MICU1: variants seen among roughly 807,000 people sequenced by gnomAD.
MICU1 encodes the protein mitochondrial calcium uptake 1.
In MICU1, 45 loss-of-function variants were observed where a neutral mutation model predicts 56.8. The ratio of observed to expected loss-of-function variants is 0.79; its 90% CI spans 0.62 to 1.02. The LOEUF is 1.02. Among genes scored for constraint, MICU1 ranks in the 50% least tolerant of loss-of-function variants. MICU1 has a pLI of 0.00. For missense variants in MICU1, 504 were observed against 587.1 expected, an observed-to-expected ratio of 0.86 and a Z score of 1.46; for synonymous variants, 186 against 195.1, an observed-to-expected ratio of 0.95 and a Z score of 0.39.
chr10:72,567,507 G>A (rs1840470573), intron 1 of MICU1, among the ~76,000 whole-genome samples: 1 of 152,084 alleles, frequency 6.6e-6, no homozygotes, highest in African/African-American at 2.4e-5. Context: ...AGACTGTGTG[G>A]AGAGGGCACA....
At chr10:72,417,578 C>T (rs2132124662) in intron 9 of MICU1, among the ~76,000 whole-genome samples, 1 of 152,162 alleles carries the variant, frequency 6.6e-6, no homozygotes, top group South Asian at 2.1e-4. Context: ...TTTTCAATTT[C>T]ATCCTTAAGA....
At chr10:72,519,363 T>G (rs528122544) in intron 5 of MICU1, among the ~76,000 whole-genome samples, 2 of 152,318 alleles carry the variant, frequency 1.3e-5, no homozygotes, top group East Asian at 3.9e-4. Flanking sequence ...TAAAGGCAAA[T>G]GGACATTATT....
intron 1 of MICU1, among the ~76,000 whole-genome samples, chr10:72,593,025 A>T (rs1245309688): frequency 6.6e-6 from 1 of 151,682 alleles, no homozygotes; most frequent in African/African-American, 2.4e-5. Flanking sequence ...ACCTCAGGTG[A>T]TCCACCCACT....
intron 1 of MICU1, among the ~76,000 whole-genome samples, chr10:72,597,823 G>A (rs965708607): frequency 1.3e-5 from 2 of 152,130 alleles, no homozygotes; most frequent in Admixed American, 6.6e-5. Flanking sequence ...TTCCCTTGGG[G>A]CCACTGAATA....
intron 3 of MICU1, among the ~76,000 whole-genome samples, chr10:72,561,610 G>A (rs1388852322): frequency 5.3e-5 from 8 of 152,160 alleles, no homozygotes; most frequent in Non-Finnish European, 8.8e-5. Context: ...TCAGGAGTTC[G>A]AGGCCAGCCT....
chr10:72,424,116 C>A (rs1054845453), intron 8 of MICU1, among the ~76,000 whole-genome samples: 1 of 110,354 alleles, frequency 9.1e-6, no homozygotes, highest in East Asian at 1.9e-4. Flanking sequence ...ACCATTTCCC[C>A]CCCACCTTTT....
intron 8 of MICU1, among the ~76,000 whole-genome samples, chr10:72,429,045 G>A (rs192933886): frequency 2.0e-4 from 30 of 152,272 alleles, no homozygotes; most frequent in South Asian, 4.1e-4. Flanking sequence ...GATAATATTC[G>A]TGACCTCAAA....
intron 8 of MICU1, among the ~76,000 whole-genome samples, chr10:72,444,871 G>A (rs1190075578): frequency 6.6e-6 from 1 of 152,158 alleles, no homozygotes; most frequent in Non-Finnish European, 1.5e-5. Flanking sequence ...TACCCATTCT[G>A]TATTAATCAT....
chr10:72,528,804 C>T (rs1009892550), intron 5 of MICU1: 4 of 194,016 alleles, frequency 2.1e-5, no homozygotes, highest in East Asian at 1.8e-4. Flanking sequence ...AATTAGAACT[C>T]GAATAAAGCA....
Position 72,468,578 on chromosome 10 carries a change from GTTTTT to G in MICU1, c.933+6517_933+6521del, listed in dbSNP as rs199561842. Among the ~76,000 whole-genome samples the G allele has an allele frequency of 2.0e-5, 3 of 149,430 alleles. 1 individual carries two copies. In the South Asian group the frequency reaches 6.3e-4, roughly 32 times the overall value. On this transcript the variant is annotated intron_variant, in intron 8 of 11. Coordinates refer to ENST00000361114, the MANE Select transcript of MICU1 (RefSeq NM_001195518.2). ...ATTCTTAAGTCATTCTTTTAGACCT[GTTTTT>G]TTTGTGAGTTCCCAAATAAAGAAAA...
At chr10:72,378,105 T>C (rs1320695350) in intron 10 of MICU1, among the ~76,000 whole-genome samples, 1 of 151,982 alleles carries the variant, frequency 6.6e-6, no homozygotes, top group Non-Finnish European at 1.5e-5. Flanking sequence ...ATACAAAAAT[T>C]AGCTGGGCGT....
intron 3 of MICU1, chr10:72,562,685 TCA>T (rs1226894590): frequency 5.1e-6 from 2 of 392,918 alleles, no homozygotes; most frequent in African/African-American, 4.1e-5. Flanking sequence ...AATATGCTAA[TCA>T]TGGTTATTGG....
intron 8 of MICU1, among the ~76,000 whole-genome samples, chr10:72,423,824 T>A (rs1864257450): frequency 6.6e-6 from 1 of 152,168 alleles, no homozygotes; most frequent in Non-Finnish European, 1.5e-5. Flanking sequence ...TTCTAAAAAA[T>A]TCATAAAGGT....
At chr10:72,422,210 C>G (rs1864198626) in intron 9 of MICU1, among the ~76,000 whole-genome samples, 1 of 152,164 alleles carries the variant, frequency 6.6e-6, no homozygotes, top group Non-Finnish European at 1.5e-5. Flanking sequence ...AGAGATTTCT[C>G]CCTCTCTTCA....
chr10:72,573,307 CAAAAAA>C (rs58866778), intron 1 of MICU1, among the ~76,000 whole-genome samples: 3 of 21,040 alleles, frequency 1.4e-4, no homozygotes, highest in African/African-American at 2.2e-4. Context: ...CCCATCACTA[CAAAAAA>C]AAAAAAAAAA....
Position 72,367,635 on chromosome 10 carries a change from A to C in MICU1, c.*560T>G, listed in dbSNP as rs928017853. 6.5e-6 allele frequency: 1 copy of C among 152,914 alleles called. No individual in the cohort carries two copies. Among genetic ancestry groups the C allele is most frequent in the African/African-American group, 2.4e-5 (1 of 41,436 alleles). The allele number at this position is 152,914 out of a possible 1,614,324, so 9.5% of individuals were successfully genotyped here. On this transcript the variant is annotated 3_prime_UTR_variant, in exon 12 of 12. Coordinates refer to ENST00000361114, the MANE Select transcript of MICU1 (RefSeq NM_001195518.2). ...ACTGAGCATGCTGCCTTCCTAGAGC[A>C]GGCCTTGGAGCCATCCCAGGGACTA...
chr10:72,583,615 C>T (rs932201666), intron 1 of MICU1, among the ~76,000 whole-genome samples: 1 of 152,014 alleles, frequency 6.6e-6, no homozygotes, highest in African/African-American at 2.4e-5. Flanking sequence ...CATTTTATTG[C>T]TAGATGATAA....
At position 72,512,185 on chromosome 10, in the gene MICU1, T is replaced by A. The variant is rs189700797; in HGVS notation, c.538-3916A>T. ...GGAGTACAGTGGCACAATCTCTGCT[T>A]ACTGCAATCTCTGCCTCCCAGGTTC... On this transcript the variant is annotated intron_variant, in intron 5 of 11. Coordinates refer to ENST00000361114, the MANE Select transcript of MICU1 (RefSeq NM_001195518.2). 2.4e-3 allele frequency among the ~76,000 whole-genome samples: 335 copies of A among 141,872 alleles called. 1 individual carries two copies. The highest frequency in any genetic ancestry group is 8.2e-3 in the African/African-American group (315 of 38,638). 93.1% of individuals were successfully genotyped at this position (141,872 alleles called of 152,430 possible).
At position 72,533,414 on chromosome 10, in the gene MICU1, G is replaced by A. The variant is rs528657356; in HGVS notation, c.537+332C>T. On this transcript the variant is annotated intron_variant, in intron 5 of 11. Coordinates refer to ENST00000361114, the MANE Select transcript of MICU1 (RefSeq NM_001195518.2). Reference sequence around the variant, plus strand: ...AAAGTCTGAGAAAGGTCAAATCAGGGAAGCGTTTTGTAATAAATGCCAATA... The same window carrying A: ...AAAGTCTGAGAAAGGTCAAATCAGGAAAGCGTTTTGTAATAAATGCCAATA... Among the ~76,000 whole-genome samples, 21 of 152,220 alleles carry A rather than the reference G, an allele frequency of 1.4e-4. No individual in the cohort carries two copies. In the East Asian group the frequency reaches 4.0e-3, roughly 29 times the overall value.
Sources: allele counts gnomAD v4.1 joint callset (sites outside exome capture counted in the v4.1 genomes callset), GRCh38; gene constraint gnomAD v4.1.1; transcripts MANE v1.5; gene names NCBI Gene and HGNC (gene_info 2026-07-23, HGNC 2026-07-21).